Variants in CCDC148 observed in about 807,000 individuals in gnomAD.
CCDC148 encodes the protein coiled-coil domain containing 148, also known as coiled-coil domain-containing protein 148.
CCDC148 carries 89 observed loss-of-function variants against 85.7 expected under a neutral mutation model. The observed-to-expected ratio is 1.04, with a 90% CI of 0.87 to 1.24. The LOEUF is 1.24. CCDC148 is among the 50% of genes most tolerant of loss of function. The probability of loss-of-function intolerance (pLI) is 0.00; values close to 1 mark genes in which losing one functional copy is unlikely to be tolerated. For missense variants in CCDC148, 692 were observed against 671.7 expected (o/e 1.03, Z -0.33); for synonymous variants, 230 against 213.9 (o/e 1.08, Z -0.66).
chr2:158,452,197 G>A (rs971323573), intron 1 of CCDC148, among the ~76,000 whole-genome samples: 3 of 152,094 alleles, frequency 2.0e-5, no homozygotes, highest in Admixed American at 6.5e-5. Flanking sequence ...CTATACCATC[G>A]TAACAGAAGT....
chr2:158,290,948 T>C (rs1238319180), intron 9 of CCDC148, among the ~76,000 whole-genome samples: 1 of 152,094 alleles, frequency 6.6e-6, no homozygotes, highest in Non-Finnish European at 1.5e-5. Flanking sequence ...ACTTTCTCAA[T>C]ATCCCTCTAC....
Position 158,456,590 on chromosome 2 carries a change from G to A in CCDC148, c.-151C>T, listed in dbSNP as rs1260380461. The A allele has an allele frequency of 3.1e-6, 3 of 973,554 alleles. No individual in the cohort carries two copies. Among genetic ancestry groups the A allele is most frequent in the East Asian group, 2.7e-5 (1 of 37,718 alleles). The allele number at this position is 973,554 out of a possible 1,614,324, so 60.3% of individuals were successfully genotyped here. A position where few individuals can be genotyped will look rare whatever the true frequency, so the allele number is the denominator to read the frequency against. On this transcript the variant is annotated 5_prime_UTR_variant, in exon 1 of 14. Transcript: ENST00000283233. ...GACAAACCCTACCAGGCACAGTTGG[G>A]ATTGGCAGTAAGGCAAGGAAAGCCT...
At chr2:158,306,628 C>T (rs1270338352) in intron 9 of CCDC148, among the ~76,000 whole-genome samples, 2 of 149,240 alleles carry the variant, frequency 1.3e-5, no homozygotes, top group East Asian at 2.0e-4. Flanking sequence ...AATTGAACAA[C>T]GAGAACACTT....
chr2:158,213,385 G>C (rs1686680035), intron 11 of CCDC148, among the ~76,000 whole-genome samples: 1 of 152,096 alleles, frequency 6.6e-6, no homozygotes, highest in Non-Finnish European at 1.5e-5. Flanking sequence ...AGAAAAGCAA[G>C]CTATTTATTA....
intron 11 of CCDC148, among the ~76,000 whole-genome samples, chr2:158,201,943 G>A (rs937114220): frequency 6.6e-5 from 10 of 152,148 alleles, no homozygotes; most frequent in Non-Finnish European, 1.2e-4. Context: ...TAGTGATAAA[G>A]TGTCATGATG....
At chr2:158,453,000 C>T (rs1460469143) in intron 1 of CCDC148, among the ~76,000 whole-genome samples, 1 of 152,216 alleles carries the variant, frequency 6.6e-6, no homozygotes, top group Non-Finnish European at 1.5e-5. Flanking sequence ...CTGATTTTTC[C>T]ACATTGTACA....
chr2:158,216,851 C>T (rs919607004), intron 11 of CCDC148, among the ~76,000 whole-genome samples: 1 of 152,118 alleles, frequency 6.6e-6, no homozygotes, highest in Non-Finnish European at 1.5e-5. Flanking sequence ...GAATACTTAA[C>T]TGTGTTCCAG....
chr2:158,209,030 T>C (rs1014430036), intron 11 of CCDC148, among the ~76,000 whole-genome samples: 15 of 151,936 alleles, frequency 9.9e-5, no homozygotes, highest in Admixed American at 1.3e-4. Context: ...GATGGCTGTA[T>C]TTATGTATGT....
At chr2:158,179,983 G>T (rs1280065228) in intron 11 of CCDC148, among the ~76,000 whole-genome samples, 1 of 151,954 alleles carries the variant, frequency 6.6e-6, no homozygotes. Context: ...TGCCTTTTTT[G>T]GGCAGCCTCC....
intron 11 of CCDC148, among the ~76,000 whole-genome samples, chr2:158,198,834 T>G (rs2105280238): frequency 6.6e-6 from 1 of 152,334 alleles, no homozygotes; most frequent in South Asian, 2.1e-4. Flanking sequence ...GCTGAAAAGC[T>G]ATTGTAAAGT....
chr2:158,354,241 A>G (rs1442572084), intron 2 of CCDC148, among the ~76,000 whole-genome samples: 6 of 152,172 alleles, frequency 3.9e-5, no homozygotes, highest in Admixed American at 3.3e-4. Context: ...GCAGAACTGA[A>G]GGAAATAGAG....
At chr2:158,227,116 T>C (rs1291613219) in intron 10 of CCDC148, among the ~76,000 whole-genome samples, 3 of 151,996 alleles carry the variant, frequency 2.0e-5, no homozygotes, top group Non-Finnish European at 1.5e-5. Context: ...AGTCTCAGGA[T>C]ACAAAATCAA....
chr2:158,330,248 T>C (rs1693024519), intron 7 of CCDC148, among the ~76,000 whole-genome samples: 1 of 152,254 alleles, frequency 6.6e-6, no homozygotes, highest in South Asian at 2.1e-4. Flanking sequence ...AGGCCTTTTC[T>C]GCATCTATTG....
chr2:158,296,420 C>T lies in CCDC148; in HGVS notation c.1110+13013G>A, dbSNP rs72997351. 4.4e-3 allele frequency among the ~76,000 whole-genome samples: 667 copies of T among 152,260 alleles called. 4 individuals carry two copies. The highest frequency in any genetic ancestry group is 0.015 in the African/African-American group (619 of 41,534). On this transcript the variant is annotated intron_variant, in intron 9 of 13. Coordinates refer to ENST00000283233, the MANE Select transcript of CCDC148 (RefSeq NM_138803.4). ...TTTCTGGACTCTCTATTCTGTTCCACTAGACATGTTTACATTTTTTTAATG... is the reference window on the plus strand; with the variant it reads ...TTTCTGGACTCTCTATTCTGTTCCATTAGACATGTTTACATTTTTTTAATG...
At chr2:158,275,383 T>C (rs573070179) in intron 9 of CCDC148, among the ~76,000 whole-genome samples, 2 of 152,338 alleles carry the variant, frequency 1.3e-5, no homozygotes, top group South Asian at 2.1e-4. Flanking sequence ...TGTTATATTA[T>C]TTAGGTTTAG....
intron 9 of CCDC148, among the ~76,000 whole-genome samples, chr2:158,285,828 G>A (rs1306477349): frequency 1.3e-5 from 2 of 151,862 alleles, no homozygotes; most frequent in Admixed American, 1.3e-4. Context: ...GAGCCACCGC[G>A]CCCAGCCAAA....
chr2:158,329,046 T>G (rs1267995238), intron 7 of CCDC148, among the ~76,000 whole-genome samples: 3 of 152,226 alleles, frequency 2.0e-5, no homozygotes, highest in African/African-American at 7.2e-5. Flanking sequence ...GTTTTGGCTT[T>G]TGTTGCCATT....
At chr2:158,314,580 C>A (rs1474853490) in intron 7 of CCDC148, among the ~76,000 whole-genome samples, 1 of 152,202 alleles carries the variant, frequency 6.6e-6, no homozygotes, top group African/African-American at 2.4e-5. Flanking sequence ...CACTCCTAGG[C>A]ACCATCCTGG....
chr2:158,344,611 T>TA (rs1207421439), intron 3 of CCDC148, among the ~76,000 whole-genome samples: 1 of 152,094 alleles, frequency 6.6e-6, no homozygotes, highest in Non-Finnish European at 1.5e-5. Context: ...TTGAAAAAAC[T>TA]AATTTTTCAA....
Sources: gnomAD v4.1 joint callset for allele counts (sites outside exome capture counted in the v4.1 genomes callset) on GRCh38, gnomAD v4.1.1 for gene constraint, MANE v1.5 for transcripts, NCBI Gene and HGNC (gene_info 2026-07-23, HGNC 2026-07-21) for gene names.